Variants in POLG observed in about 807,000 individuals in gnomAD.
POLG encodes DNA polymerase subunit gamma-1.
POLG carries 110 observed loss-of-function variants against 155.4 expected under a neutral mutation model. That is an observed-to-expected ratio of 0.71 (90% confidence interval 0.61 to 0.83). The LOEUF (loss-of-function observed/expected upper bound fraction) is 0.83, where lower values mean the gene tolerates loss of function less well. Among genes scored for constraint, POLG ranks in the 40% least tolerant of loss-of-function variants. The pLI is 0.00. For synonymous variants in POLG, 701 were observed against 631.5 expected, an observed-to-expected ratio of 1.11 and a Z score of -1.65; for missense variants, 1,685 against 1,627.5, an observed-to-expected ratio of 1.04 and a Z score of -0.61.
chr15:89,328,643 G>A (rs1336750198), intron 5 of POLG, 42 bp downstream of exon 5: 27 of 1,613,202 alleles, frequency 1.7e-5, no homozygotes, highest in East Asian at 4.5e-5. Context: ...AGCTAGGGGT[G>A]TGCCACAGCC....
At position 89,321,859 on chromosome 15, in the gene POLG, G is replaced by A. The variant is rs752226219; in HGVS notation, c.2481-6C>T. ...CCTCATCATAGTCGGGGTGCCTGGT[G>A]GGGTGCAGGGGAAGGAAATGGGTCT... On this transcript the variant is annotated splice_region_variant and splice_polypyrimidine_tract_variant and intron_variant, in intron 15 of 22. Transcript: ENST00000268124. The A allele has an allele frequency of 8.7e-6, 14 of 1,611,780 alleles. No individual in the cohort carries two copies. Among genetic ancestry groups the A allele is most frequent in the Non-Finnish European group, 1.1e-5 (13 of 1,178,000 alleles).
Position 89,317,429 on chromosome 15 carries a change from C to A in POLG, c.3590G>T (p.Cys1197Phe). The change falls in exon 22 of 23, where the codon TGT becomes TTT. Residue 1197 changes from cysteine (C) to phenylalanine (F), a missense_variant. Cys to Phe is a radical substitution (Grantham distance 205). This residue lies in a region of POLG where 470 missense variants were observed against 439.9 expected (regional missense o/e 1.07). Transcript: ENST00000268124. Reference protein sequence around the residue: ...RCLRKEVTMDCKTPSNPTGME... With the variant: ...RCLRKEVTMDFKTPSNPTGME... ...CCCAGTTGGGTTGGAAGGGGTTTTA[C>A]AATCCATGGTCACTTCCTTCCTGAG... The A allele has an allele frequency of 6.2e-7, 1 of 1,614,120 alleles. No individual in the cohort carries two copies. Among genetic ancestry groups the A allele is most frequent in the Non-Finnish European group, 8.5e-7 (1 of 1,179,986 alleles).
rs371431444 is a variant in POLG, at chr15:89,328,789, G to A, written c.1066C>T (p.Leu356=). 136 of 1,614,152 alleles carry A rather than the reference G, an allele frequency of 8.4e-5. 2 individuals are homozygous for A. In the East Asian group the frequency reaches 1.2e-3, roughly 14 times the overall value. The change falls in exon 5 of 23, where the codon CTG becomes TTG. Residue 356 remains leucine, a synonymous_variant. Transcript: ENST00000268124. ...ACATAAAGTCTGTGCACCTCTGCCA[G>A]ACTGTTGACACTGCTGATGTCCAGC... The part of the protein sequence containing the change: ...DWLDISSVNS[L]AEVHRLYVGG...
At position 89,322,159 on chromosome 15, in the gene POLG, G is replaced by A. The variant is rs566726464; in HGVS notation, c.2427-144C>T. The A allele has an allele frequency of 1.6e-5, 13 of 816,572 alleles. No homozygotes were observed. In the East Asian group the frequency reaches 2.1e-4, roughly 13 times the overall value. 50.6% of individuals were successfully genotyped at this position (816,572 alleles called of 1,614,324 possible). A position where few individuals can be genotyped will look rare whatever the true frequency, so the allele number is the denominator to read the frequency against. ...ACTAACTGGACTCAAGGTGAGCCCT[G>A]GCTCAGCCAAGAACTGGGGCCCTAT... On this transcript the variant is annotated intron_variant, in intron 14 of 22. Coordinates refer to ENST00000268124, the MANE Select transcript of POLG (RefSeq NM_002693.3).
Position 89,322,801 on chromosome 15 carries a change from G to A in POLG, c.2367C>T (p.Pro789=), listed in dbSNP as rs893226142. ...TCATTTTGTTGATTTCCAGAGCACG[G>A]GGCCCACTGGCACCTCCTGGGCCAG... The part of the protein sequence containing the change: ...LQAGPGGASG[P]RALEINKMIS... The change falls in exon 14 of 23, where the codon CCC becomes CCT. Residue 789 remains proline (P), a synonymous_variant. Coordinates refer to ENST00000268124, the MANE Select transcript of POLG (RefSeq NM_002693.3). 1.9e-6 allele frequency: 3 copies of A among 1,614,164 alleles called. No individual in the cohort carries two copies. Among genetic ancestry groups the A allele is most frequent in the Non-Finnish European group, 2.5e-6 (3 of 1,180,016 alleles).
At chr15:89,322,964 A>G in intron 13 of POLG, 62 bp from the exon 14 acceptor site, 4 of 1,527,878 alleles carry the variant, frequency 2.6e-6, no homozygotes, top group South Asian at 1.2e-5. Flanking sequence ...TGGGGAACCA[A>G]CGTGAGTACC....
intron 14 of POLG, among the ~76,000 whole-genome samples, chr15:89,322,477 C>T (rs546069719): frequency 6.6e-6 from 1 of 152,244 alleles, no homozygotes; most frequent in Non-Finnish European, 1.5e-5. Context: ...TCAGCCATAG[C>T]CCACGGCTCC....
At position 89,320,919 on chromosome 15, in the gene POLG, C is replaced by T. The variant is rs1567186613; in HGVS notation, c.2828G>A (p.Arg943His). The part of the protein sequence containing the change: ...SKTATTVGIS[R>H]EHAKIFNYGR... ...GTAGTTGAAGATTTTGGCATGCTCA[C>T]GGCTGATGCCCACAGTAGTGGCTGT... The change falls in exon 18 of 23, where the codon CGT becomes CAT. Residue 943 changes from arginine (R) to histidine (H), a missense_variant. By Grantham distance (29) the Arg-to-His change is conservative. Coordinates refer to ENST00000268124, the MANE Select transcript of POLG (RefSeq NM_002693.3). The T allele has an allele frequency of 6.2e-7, 1 of 1,613,964 alleles. No individual in the cohort carries two copies. The highest frequency in any genetic ancestry group is 8.5e-7 in the Non-Finnish European group (1 of 1,180,012).
intron 2 of POLG, among the ~76,000 whole-genome samples, chr15:89,332,609 G>C (rs1387302943): frequency 2.7e-5 from 4 of 150,156 alleles, no homozygotes; most frequent in African/African-American, 9.7e-5. Flanking sequence ...CGGGGGCAGG[G>C]GGGCGGGGGG....
At chr15:89,331,425 G>A (rs886361459) in intron 2 of POLG, among the ~76,000 whole-genome samples, 3 of 152,166 alleles carry the variant, frequency 2.0e-5, no homozygotes, top group African/African-American at 7.2e-5. Flanking sequence ...AAGCCACACT[G>A]GTGTCAAGAT....
chr15:89,325,119 T>G (rs62022591), intron 10 of POLG, among the ~76,000 whole-genome samples: 7 of 36,630 alleles, frequency 1.9e-4, no homozygotes, highest in African/African-American at 5.8e-4. Flanking sequence ...AGAGAGTGAG[T>G]GAGTGAGTGA....
chr15:89,324,736 C>A (rs1596355225), intron 10 of POLG, among the ~76,000 whole-genome samples: 1 of 152,228 alleles, frequency 6.6e-6, no homozygotes, highest in South Asian at 2.1e-4. Flanking sequence ...GTCAACCAAG[C>A]CTTTGTCAAC....
chr15:89,327,198 T>C lies in POLG; in HGVS notation c.1402A>G (p.Asn468Asp), dbSNP rs145843073. 8.1e-4 allele frequency: 1,307 copies of C among 1,614,230 alleles called. 1 individual carries two copies. Among genetic ancestry groups the C allele is most frequent in the Non-Finnish European group, 9.1e-4 (1,071 of 1,180,034 alleles). Residue 468 changes from asparagine (N) to aspartate (D), a missense_variant, in exon 7 of 23, where the codon AAT becomes GAT. By Grantham distance (23) the Asn-to-Asp change is conservative (BLOSUM62 1). Around this residue, in one of 3 missense-constraint regions of POLG, gnomAD observed 1,210 missense variants for 1,167.1 expected, o/e 1.04. Coordinates refer to ENST00000268124, the MANE Select transcript of POLG (RefSeq NM_002693.3). ...CCTGAGAGCAGCTGGCAGGCATCAT[T>C]GGCCAGATCCATCAACGACTTCTTC... ...EMKKSLMDLA[N>D]DACQLLSGER...
At chr15:89,319,120 G>A (rs369029958) in intron 19 of POLG, 21 bp from the exon 20 acceptor site, 1 of 1,614,036 alleles carries the variant, frequency 6.2e-7, no homozygotes, top group African/African-American at 1.3e-5. Context: ...AGAAACAGAG[G>A]GCAGACTTTG....
intron 8 of POLG, 48 bp from the exon 9 acceptor site, chr15:89,326,786 A>T: frequency 1.2e-6 from 2 of 1,613,562 alleles, no homozygotes; most frequent in Non-Finnish European, 1.7e-6. Context: ...GGAACTCTCA[A>T]TAAGATCTGC....
chr15:89,327,068 A>C lies in POLG; in HGVS notation c.1434-5T>G, dbSNP rs1432672955. ...AGCCAGGGGTCTTCTTTGTACCTAC[A>C]GAGCCAGTCCACTAGGGCAGGGCTA... is the stretch of plus-strand genomic sequence containing the variant. On this transcript the variant is annotated splice_region_variant and splice_polypyrimidine_tract_variant and intron_variant, in intron 7 of 22. Coordinates refer to ENST00000268124, the MANE Select transcript of POLG (RefSeq NM_002693.3). 6.2e-7 allele frequency: 1 copy of C among 1,614,230 alleles called. No homozygotes were observed. The highest frequency in any genetic ancestry group is 2.2e-5 in the East Asian group (1 of 44,888).
intron 1 of POLG, 196 bp from the exon 2 acceptor site, chr15:89,334,109 T>A: frequency 2.7e-6 from 1 of 371,398 alleles, no homozygotes; most frequent in Non-Finnish European, 5.0e-6. Flanking sequence ...ACTTCGTCAG[T>A]GAACCCACGT....
intron 19 of POLG, 44 bp from the exon 20 acceptor site, chr15:89,319,143 T>G: frequency 6.2e-7 from 1 of 1,614,058 alleles, no homozygotes; most frequent in Non-Finnish European, 8.5e-7. Context: ...TTTCAGCATC[T>G]CAAAGCTAAA....
intron 14 of POLG, 78 bp downstream of exon 14, chr15:89,322,664 G>T: frequency 6.7e-7 from 1 of 1,491,226 alleles, no homozygotes; most frequent in Non-Finnish European, 9.3e-7. Context: ...CCCTCTGTGG[G>T]AATCCAGGGT....
Sources: gnomAD v4.1 joint callset for allele counts (sites outside exome capture counted in the v4.1 genomes callset) on GRCh38, gnomAD v4.1.1 for gene constraint, gnomAD v4.1.1 regional missense constraint, MANE v1.5 for transcripts, NCBI Gene and HGNC (gene_info 2026-07-23, HGNC 2026-07-21) for gene names.